The following STK40 variants were observed in gnomAD, a reference collection of about 807,000 sequenced individuals.
The protein encoded by STK40 is serine/threonine-protein kinase 40.
In STK40, 13 loss-of-function variants were observed where a neutral mutation model predicts 47.9. The ratio of observed to expected loss-of-function variants is 0.27; its 90% CI spans 0.18 to 0.43. STK40 has a LOEUF of 0.43. STK40 is among the 20% of genes least tolerant of loss of function. The pLI, the probability that STK40 is intolerant of heterozygous loss-of-function variation, is 1.00. For missense variants in STK40, 460 were observed against 595.1 expected (o/e 0.77, Z 2.36); for synonymous variants, 225 against 243.2 (o/e 0.93, Z 0.69).
chr1:36,371,810 A>C (rs568681132), intron 1 of STK40, among the ~76,000 whole-genome samples: 1 of 152,044 alleles, frequency 6.6e-6, no homozygotes, highest in South Asian at 2.1e-4. Context: ...AGCCTGGCCA[A>C]CATGGTGAAA....
At chr1:36,345,991 A>ATT (rs143130232) in intron 7 of STK40, among the ~76,000 whole-genome samples, 3 of 26,470 alleles carry the variant, frequency 1.1e-4, no homozygotes, top group Admixed American at 6.5e-4. Flanking sequence ...ATATATATAT[A>ATT]TTTTTTTTTT....
At chr1:36,376,567 T>C (rs934437382) in intron 1 of STK40, among the ~76,000 whole-genome samples, 1 of 152,094 alleles carries the variant, frequency 6.6e-6, no homozygotes, top group East Asian at 1.9e-4. Flanking sequence ...CACACACACA[T>C]GCCCCCAAGG....
intron 1 of STK40, among the ~76,000 whole-genome samples, chr1:36,384,336 A>G (rs1647067022): frequency 6.6e-6 from 1 of 152,140 alleles, no homozygotes. Flanking sequence ...AGCCACTACT[A>G]GCTTCTTTAG....
At chr1:36,380,974 T>C (rs1647034960) in intron 1 of STK40, among the ~76,000 whole-genome samples, 1 of 152,134 alleles carries the variant, frequency 6.6e-6, no homozygotes, top group Non-Finnish European at 1.5e-5. Context: ...TGCACTATCA[T>C]TCACTCTGTC....
At chr1:36,384,838 TCTTC>T (rs1182498884) in intron 1 of STK40, among the ~76,000 whole-genome samples, 1 of 152,204 alleles carries the variant, frequency 6.6e-6, no homozygotes, top group East Asian at 1.9e-4. Flanking sequence ...CACATTCTGC[TCTTC>T]CTTATCTCAC....
intron 1 of STK40, among the ~76,000 whole-genome samples, chr1:36,363,504 T>C (rs972154669): frequency 6.6e-6 from 1 of 152,084 alleles, no homozygotes; most frequent in Non-Finnish European, 1.5e-5. Context: ...ACATCTAGGT[T>C]CTTTCCATTT....
Position 36,355,516 on chromosome 1 carries a change from G to A in STK40, c.343-83C>T, listed in dbSNP as rs1201011926. 11 of 1,424,776 alleles carry A rather than the reference G, an allele frequency of 7.7e-6. No homozygotes were observed. In the African/African-American group the frequency reaches 8.4e-5, roughly 11 times the overall value. 88.3% of individuals were successfully genotyped at this position (1,424,776 alleles called of 1,614,324 possible). A position where few individuals can be genotyped will look rare whatever the true frequency, so the allele number is the denominator to read the frequency against. On this transcript the variant is annotated intron_variant, in intron 4 of 10. Transcript: ENST00000373132. Reference sequence around the variant, plus strand: ...GGGCCTGGGACTCTCCTCTGGAGTGGGACACTCAAACCAGTGAGGGAGCCT... The same window carrying A: ...GGGCCTGGGACTCTCCTCTGGAGTGAGACACTCAAACCAGTGAGGGAGCCT...
intron 1 of STK40, chr1:36,367,786 C>T (rs533647553): frequency 3.0e-6 from 3 of 985,976 alleles, no homozygotes; most frequent in Admixed American, 1.2e-4. Flanking sequence ...GGGTCCCCCA[C>T]TCTACACTGA....
At chr1:36,380,941 TCTC>T (rs754559085) in intron 1 of STK40, among the ~76,000 whole-genome samples, 1 of 152,106 alleles carries the variant, frequency 6.6e-6, no homozygotes, top group Non-Finnish European at 1.5e-5. Context: ...GCCATTATCT[TCTC>T]CTTGAGCCAT....
chr1:36,342,082 C>A (rs1413097401), intron 10 of STK40, 109 bp from the exon 11 acceptor site: 2 of 1,044,040 alleles, frequency 1.9e-6, no homozygotes, highest in South Asian at 1.5e-5. Context: ...TGCAGTCACC[C>A]TTCCAGGCAC....
chr1:36,372,445 AAAAG>A (rs1266804441), intron 1 of STK40, among the ~76,000 whole-genome samples: 12 of 150,074 alleles, frequency 8.0e-5, no homozygotes, highest in South Asian at 2.1e-4. Flanking sequence ...AAAAAAAAAA[AAAAG>A]AAAGAAAGAA....
At chr1:36,355,817 AC>A (rs2124734515) in intron 4 of STK40, among the ~76,000 whole-genome samples, 1 of 151,978 alleles carries the variant, frequency 6.6e-6, no homozygotes, top group East Asian at 1.9e-4. Flanking sequence ...CACCAACAGA[AC>A]CCCCTTTTGA....
At chr1:36,379,976 T>C (rs1027163548) in intron 1 of STK40, among the ~76,000 whole-genome samples, 6 of 152,154 alleles carry the variant, frequency 3.9e-5, no homozygotes, top group Non-Finnish European at 5.9e-5. Flanking sequence ...ACCCAAGTGT[T>C]TGTTAGCAGA....
chr1:36,373,036 G>A (rs1422818546), intron 1 of STK40, among the ~76,000 whole-genome samples: 2 of 152,182 alleles, frequency 1.3e-5, no homozygotes, highest in Non-Finnish European at 2.9e-5. Flanking sequence ...TGCCAACTGG[G>A]ATAGCAAGAT....
intron 1 of STK40, among the ~76,000 whole-genome samples, chr1:36,383,982 C>T (rs12122689): frequency 0.017 from 2,521 of 152,048 alleles, 32 homozygotes; most frequent in Non-Finnish European, 0.025. Flanking sequence ...CCTTTCTCCA[C>T]TGGGCTCCCA....
rs889070665 is a variant in STK40, at chr1:36,363,831, A to G, written c.-8-2491T>C. Among the ~76,000 whole-genome samples the G allele has an allele frequency of 4.1e-5, 6 of 147,432 alleles. No homozygotes were observed. In the East Asian group the frequency reaches 1.2e-3, roughly 29 times the overall value. On this transcript the variant is annotated intron_variant, in intron 1 of 10. Transcript: ENST00000373132. ...CTCTGTCTCAAAAAAAAAAAAAAAA[A>G]GAATTAATAGTCACGCACATACAAG...
chr1:36,345,937 G>A (rs1489563350), intron 7 of STK40, among the ~76,000 whole-genome samples: 2 of 135,844 alleles, frequency 1.5e-5, no homozygotes, highest in African/African-American at 2.8e-5. Flanking sequence ...TTTCAGCAAC[G>A]ATCATGCCAA....
intron 1 of STK40, among the ~76,000 whole-genome samples, chr1:36,376,516 C>T (rs958661207): frequency 1.3e-5 from 2 of 152,192 alleles, no homozygotes; most frequent in African/African-American, 4.8e-5. Context: ...CCTATAGAGC[C>T]ACGTGTAGCA....
At chr1:36,363,046 C>G (rs1048148718) in intron 1 of STK40, among the ~76,000 whole-genome samples, 1 of 152,134 alleles carries the variant, frequency 6.6e-6, no homozygotes, top group Non-Finnish European at 1.5e-5. Context: ...ATCCCACCTA[C>G]TTGGTGGCTG....
Sources: allele counts gnomAD v4.1 joint callset (sites outside exome capture counted in the v4.1 genomes callset), GRCh38; gene constraint gnomAD v4.1.1; transcripts MANE v1.5; gene names NCBI Gene and HGNC (gene_info 2026-07-23, HGNC 2026-07-21).